Variants in KCNC2 observed in about 807,000 individuals in gnomAD.
KCNC2 encodes voltage-gated potassium channel KCNC2.
In KCNC2, 21 loss-of-function variants were observed where a neutral mutation model predicts 44.5. That is an observed-to-expected ratio of 0.47 (90% CI 0.33 to 0.68). KCNC2 has a LOEUF of 0.68. Among genes scored for constraint, KCNC2 ranks in the 30% least tolerant of loss-of-function variants. The pLI is 0.01. For synonymous variants in KCNC2, 391 were observed against 339.1 expected, an observed-to-expected ratio of 1.15 and a Z score of -1.68; for missense variants, 589 against 826.2, an observed-to-expected ratio of 0.71 and a Z score of 3.52.
At chr12:75,184,195 G>T (rs1277398474) in intron 2 of KCNC2, among the ~76,000 whole-genome samples, 2 of 152,126 alleles carry the variant, frequency 1.3e-5, no homozygotes, top group African/African-American at 4.8e-5. Context: ...AGTTTTATAA[G>T]ACTCGTGTAG....
intron 2 of KCNC2, among the ~76,000 whole-genome samples, chr12:75,062,005 A>G (rs1030614123): frequency 6.6e-6 from 1 of 152,074 alleles, no homozygotes; most frequent in Non-Finnish European, 1.5e-5. Flanking sequence ...GACTCCAAAA[A>G]ATAAAACGTA....
intron 2 of KCNC2, among the ~76,000 whole-genome samples, chr12:75,163,500 C>A (rs1891253340): frequency 6.6e-6 from 1 of 151,680 alleles, no homozygotes; most frequent in African/African-American, 2.4e-5. Flanking sequence ...GTTTTCACAC[C>A]AGCCACTTAC....
chr12:75,090,348 C>A (rs962701746), intron 2 of KCNC2, among the ~76,000 whole-genome samples: 1 of 151,478 alleles, frequency 6.6e-6, no homozygotes, highest in Non-Finnish European at 1.5e-5. Context: ...TTTTAATAGG[C>A]CATTATGCCC....
At chr12:75,054,286 G>A (rs1334860585) in intron 2 of KCNC2, among the ~76,000 whole-genome samples, 2 of 150,814 alleles carry the variant, frequency 1.3e-5, no homozygotes, top group Admixed American at 6.6e-5. Flanking sequence ...AGCTAAAAAC[G>A]CTTGTCATAA....
chr12:75,060,359 T>C (rs1882185369), intron 2 of KCNC2, among the ~76,000 whole-genome samples: 1 of 152,090 alleles, frequency 6.6e-6, no homozygotes, highest in African/African-American at 2.4e-5. Context: ...CTTGGATTAC[T>C]GGGAATAAGC....
Position 75,064,825 on chromosome 12 carries a change from C to A in KCNC2, c.688-13508G>T, listed in dbSNP as rs1882669782. Among the ~76,000 whole-genome samples, 2 of 151,854 alleles carry A rather than the reference C, an allele frequency of 1.3e-5. 1 individual carries two copies. The highest frequency in any genetic ancestry group is 1.3e-4 in the Admixed American group (2 of 15,220). On this transcript the variant is annotated intron_variant, in intron 2 of 4. Coordinates refer to ENST00000549446, the MANE Select transcript of KCNC2 (RefSeq NM_139137.4). ...TATTTTCTTTTTATTGTTTCGAATA[C>A]TTGGATTTTGTGAATTTAACTCAAT...
chr12:75,117,933 G>A (rs1438632851), intron 2 of KCNC2, among the ~76,000 whole-genome samples: 1 of 152,090 alleles, frequency 6.6e-6, no homozygotes, highest in Non-Finnish European at 1.5e-5. Flanking sequence ...TGGTCCCCTG[G>A]AGTTGTACAA....
intron 2 of KCNC2, among the ~76,000 whole-genome samples, chr12:75,174,914 A>G (rs1338637025): frequency 6.6e-6 from 1 of 152,004 alleles, no homozygotes; most frequent in African/African-American, 2.4e-5. Flanking sequence ...AAAAACAAAA[A>G]GGCTAAGAGA....
intron 2 of KCNC2, among the ~76,000 whole-genome samples, chr12:75,070,344 G>A (rs1294563971): frequency 1.3e-5 from 2 of 151,876 alleles, no homozygotes; most frequent in Non-Finnish European, 2.9e-5. Flanking sequence ...CCAGCTACTG[G>A]GGAGGCTGAG....
intron 2 of KCNC2, among the ~76,000 whole-genome samples, chr12:75,179,762 A>T (rs201997536): frequency 1.2e-5 from 1 of 84,532 alleles, no homozygotes; most frequent in Non-Finnish European, 2.9e-5. Flanking sequence ...TTTTATAAAA[A>T]CTATAAAAGA....
rs773528753 is a variant in KCNC2, at chr12:75,207,343, C to A, written c.641G>T (p.Arg214Leu). The change falls in exon 2 of 5, where the codon CGC (arginine) becomes CTC (leucine). Residue 214 changes from arginine to leucine, a missense_variant. Physicochemically the swap from Arg to Leu is moderately radical, Grantham distance 102. Around this residue, in one of 7 missense-constraint regions of KCNC2, gnomAD observed 97 missense variants for 73.3 expected, o/e 1.32. Transcript: ENST00000549446. The surrounding 1 kb of genome is among the most constrained non-coding windows in gnomAD (Gnocchi z 4.1). The stretch of plus-strand genomic sequence containing the variant: ...GGGGTCTTCGAAGAGGGCCCACATG[C>A]GGGGCTGCAGCCTCCTCCAGCGGCC... ...KSGRWRRLQP[R>L]MWALFEDPYS... The A allele has an allele frequency of 1.3e-6, 2 of 1,572,814 alleles. No individual in the cohort carries two copies. Among genetic ancestry groups the A allele is most frequent in the South Asian group, 1.2e-5 (1 of 85,730 alleles).
intron 2 of KCNC2, among the ~76,000 whole-genome samples, chr12:75,112,540 C>A (rs1887337464): frequency 1.3e-5 from 2 of 151,936 alleles, no homozygotes; most frequent in Admixed American, 6.6e-5. Flanking sequence ...CCATTTACTT[C>A]TTTTTACTTA....
intron 2 of KCNC2, among the ~76,000 whole-genome samples, chr12:75,187,641 G>A (rs1893042723): frequency 6.6e-6 from 1 of 152,158 alleles, no homozygotes; most frequent in Non-Finnish European, 1.5e-5. Flanking sequence ...GTGGCCAGAA[G>A]CAACCTTACT....
chr12:75,046,382 T>C (rs1291350870), intron 4 of KCNC2, among the ~76,000 whole-genome samples: 1 of 151,772 alleles, frequency 6.6e-6, no homozygotes, highest in Non-Finnish European at 1.5e-5. Context: ...TTCTCATTCG[T>C]GATTTTCTTT....
At chr12:75,093,329 C>T (rs1379961) in intron 2 of KCNC2, among the ~76,000 whole-genome samples, 133,235 of 151,466 alleles carry the variant, frequency 0.88, 58,695 homozygotes, top group Admixed American at 0.91. Flanking sequence ...TTTAATTCCA[C>T]AAAAAGAAAA....
At chr12:75,148,687 C>T (rs1487220506) in intron 2 of KCNC2, among the ~76,000 whole-genome samples, 1 of 151,778 alleles carries the variant, frequency 6.6e-6, no homozygotes, top group Non-Finnish European at 1.5e-5. Flanking sequence ...AAATCAATGC[C>T]TATTACTAAG....
At chr12:75,199,613 T>C (rs530968566) in intron 2 of KCNC2, among the ~76,000 whole-genome samples, 1 of 152,044 alleles carries the variant, frequency 6.6e-6, no homozygotes, top group African/African-American at 2.4e-5. Context: ...TTCTGTATTG[T>C]ATTTACTGAC....
At chr12:75,161,244 A>G (rs968170129) in intron 2 of KCNC2, among the ~76,000 whole-genome samples, 7 of 151,762 alleles carry the variant, frequency 4.6e-5, no homozygotes, top group African/African-American at 1.4e-4. Context: ...GAAGTAAACT[A>G]AAGTATTAAA....
intron 2 of KCNC2, among the ~76,000 whole-genome samples, chr12:75,150,031 G>A (rs1458392911): frequency 6.6e-6 from 1 of 151,788 alleles, no homozygotes; most frequent in African/African-American, 2.4e-5. Flanking sequence ...GCCATCGCCT[G>A]TGACTCCTGA....
Sources: gnomAD v4.1 joint callset for allele counts (sites outside exome capture counted in the v4.1 genomes callset) on GRCh38, gnomAD v4.1.1 for gene constraint, gnomAD v4.1.1 regional missense constraint, Gnocchi (gnomAD v3.1) non-coding constraint, MANE v1.5 for transcripts, NCBI Gene and HGNC (gene_info 2026-07-23, HGNC 2026-07-21) for gene names.